The following CSTPP1 variants were observed in gnomAD, a reference collection of about 807,000 sequenced individuals.
The protein encoded by CSTPP1 is centriolar satellite-associated tubulin polyglutamylase complex regulator 1.
the CSTPP1 span, chr11:47,154,971 G>A: frequency 3.3e-5 from 20 of 601,976 alleles, no homozygotes; most frequent in Non-Finnish European, 5.4e-5. Flanking sequence ...GAGTCCAATT[G>A]ATGGAGCAGT....
chr11:47,119,329 C>T, the CSTPP1 span, among the ~76,000 whole-genome samples: 18 of 152,206 alleles, frequency 1.2e-4, no homozygotes, highest in Non-Finnish European at 2.1e-4. Flanking sequence ...AGTATTTGGG[C>T]GGAGAGTGTC....
the CSTPP1 span, among the ~76,000 whole-genome samples, chr11:47,029,562 T>C: frequency 6.6e-6 from 1 of 150,892 alleles, no homozygotes; most frequent in Non-Finnish European, 1.5e-5. Flanking sequence ...TGAGCCAAGA[T>C]ACAAGATTGT....
At chr11:47,155,384 G>A in the CSTPP1 span, 2 of 876,172 alleles carry the variant, frequency 2.3e-6, no homozygotes, top group Non-Finnish European at 1.9e-6. Flanking sequence ...TTGGGGGTGT[G>A]CTTCACTGCG....
chr11:47,015,344 C>T, the CSTPP1 span, among the ~76,000 whole-genome samples: 4 of 151,354 alleles, frequency 2.6e-5, no homozygotes, highest in Non-Finnish European at 4.4e-5. Flanking sequence ...CATGGTGGTG[C>T]GCGCCTGTAA....
chr11:46,988,055 G>A, the CSTPP1 span, among the ~76,000 whole-genome samples: 1 of 151,868 alleles, frequency 6.6e-6, no homozygotes. Context: ...CCTAAAGACA[G>A]GCAATAACAA....
At chr11:47,117,877 CTTTTTTTTTTTTT>C in the CSTPP1 span, among the ~76,000 whole-genome samples, 2 of 66,372 alleles carry the variant, frequency 3.0e-5, no homozygotes, top group Non-Finnish European at 5.5e-5. Context: ...TATTTCTTTT[CTTTTTTTTTTTTT>C]TTTTTTTTTG....
the CSTPP1 span, among the ~76,000 whole-genome samples, chr11:47,142,198 G>A: frequency 3.3e-5 from 5 of 150,056 alleles, no homozygotes; most frequent in East Asian, 3.9e-4. Context: ...AGCCGAGATC[G>A]CGCCACTGCA....
the CSTPP1 span, among the ~76,000 whole-genome samples, chr11:47,117,210 A>T: frequency 6.6e-6 from 1 of 152,130 alleles, no homozygotes; most frequent in Non-Finnish European, 1.5e-5. Context: ...CTGTTAATTG[A>T]TGCAGTTTCT....
At chr11:46,983,668 T>C in the CSTPP1 span, among the ~76,000 whole-genome samples, 2 of 152,216 alleles carry the variant, frequency 1.3e-5, no homozygotes, top group Admixed American at 6.5e-5. Flanking sequence ...AATGACACTC[T>C]CCGTGTTTTA....
the CSTPP1 span, among the ~76,000 whole-genome samples, chr11:47,015,736 A>AT: frequency 3.4e-3 from 510 of 152,206 alleles, 3 homozygotes; most frequent in African/African-American, 0.011. Context: ...TGTCACAAAA[A>AT]TTCTTAAAAT....
chr11:47,159,760 C>G, the CSTPP1 span: 1 of 453,422 alleles, frequency 2.2e-6, no homozygotes, highest in South Asian at 1.6e-5. Flanking sequence ...AATCCCAACA[C>G]TTTGGGAGGC....
At chr11:47,029,804 G>GA in the CSTPP1 span, among the ~76,000 whole-genome samples, 885 of 138,872 alleles carry the variant, frequency 6.4e-3, 5 homozygotes, top group Middle Eastern at 0.024. Context: ...AGGATTCCTT[G>GA]AAAAAAAAAA....
the CSTPP1 span, among the ~76,000 whole-genome samples, chr11:47,132,398 A>T: frequency 2.0e-5 from 3 of 152,232 alleles, no homozygotes; most frequent in African/African-American, 7.2e-5. Context: ...CAGGACTTCA[A>T]GTTTTAATCA....
the CSTPP1 span, among the ~76,000 whole-genome samples, chr11:47,138,931 G>A: frequency 1.6e-5 from 2 of 124,334 alleles, no homozygotes; most frequent in African/African-American, 6.1e-5. Context: ...AGTGAGCAGA[G>A]ATCGTGCCAT....
At chr11:46,963,523 A>G in the CSTPP1 span, among the ~76,000 whole-genome samples, 1 of 151,972 alleles carries the variant, frequency 6.6e-6, no homozygotes, top group African/African-American at 2.4e-5. Flanking sequence ...TTTAAAAAAG[A>G]TATTAGGGGC....
chr11:47,011,404 T>C, the CSTPP1 span, among the ~76,000 whole-genome samples: 437 of 152,304 alleles, frequency 2.9e-3, 2 homozygotes, highest in African/African-American at 1.0e-2. Flanking sequence ...CTTGTTGAGT[T>C]TTGAAAAGGA....
the CSTPP1 span, among the ~76,000 whole-genome samples, chr11:46,943,493 C>CACAGAA: frequency 6.6e-6 from 1 of 152,192 alleles, no homozygotes; most frequent in Admixed American, 6.5e-5. Flanking sequence ...CCAGTGTCTT[C>CACAGAA]ATTTAACATT....
the CSTPP1 span, among the ~76,000 whole-genome samples, chr11:46,986,741 T>C: frequency 6.6e-6 from 1 of 152,190 alleles, no homozygotes; most frequent in African/African-American, 2.4e-5. Context: ...ATGCTGGGAT[T>C]ACAGGCCTGA....
At chr11:47,052,614 CCT>C in the CSTPP1 span, 5 of 1,462,700 alleles carry the variant, frequency 3.4e-6, no homozygotes, top group South Asian at 1.4e-5. Flanking sequence ...TCTCTCTTTT[CCT>C]CTCTTTCTCT....
Sources: allele counts gnomAD v4.1 joint callset (sites outside exome capture counted in the v4.1 genomes callset), GRCh38; gene constraint gnomAD v4.1.1; transcripts MANE v1.5; gene names NCBI Gene and HGNC (gene_info 2026-07-23, HGNC 2026-07-21).